The following CACNA2D1 variants were observed in gnomAD, a reference collection of about 807,000 sequenced individuals.
The protein encoded by CACNA2D1 is voltage-dependent calcium channel subunit alpha-2/delta-1.
CACNA2D1 carries 53 observed loss-of-function variants against 171.5 expected under a neutral mutation model. That is an observed-to-expected ratio of 0.31 (90% CI 0.25 to 0.39). The LOEUF (loss-of-function observed/expected upper bound fraction) is 0.39. Ranked by LOEUF, CACNA2D1 falls within the 10% of genes least tolerant of loss-of-function variation. The pLI is 1.00. For missense variants in CACNA2D1, 903 were observed against 1,299.8 expected, an observed-to-expected ratio of 0.69 and a Z score of 4.69; for synonymous variants, 442 against 443.1, an observed-to-expected ratio of 1.00 and a Z score of 0.03.
chr7:82,038,918 G>A (rs557365631), intron 10 of CACNA2D1, among the ~76,000 whole-genome samples: 10 of 152,062 alleles, frequency 6.6e-5, no homozygotes, highest in African/African-American at 1.7e-4. Context: ...ATTTAAGAAC[G>A]ATCATCAAAG....
At chr7:82,339,813 T>A (rs1185241724) in intron 2 of CACNA2D1, among the ~76,000 whole-genome samples, 1 of 152,152 alleles carries the variant, frequency 6.6e-6, no homozygotes, top group Non-Finnish European at 1.5e-5. Flanking sequence ...CATATCCTAA[T>A]CCCCAGAACC....
chr7:82,349,787 T>C (rs1165321231), intron 1 of CACNA2D1, 138 bp from the exon 2 acceptor site: 7 of 725,676 alleles, frequency 9.6e-6, no homozygotes, highest in Non-Finnish European at 1.7e-5. Context: ...ACCGACTATG[T>C]CCACCCTTCC....
At chr7:81,971,126 C>T (rs37068) in intron 26 of CACNA2D1, 145,774 of 232,080 alleles carry the variant, frequency 0.63, 46,240 homozygotes, top group Non-Finnish European at 0.65. Context: ...AGTGCAAGTT[C>T]CTCAATGGTC....
chr7:82,309,865 C>G (rs576677959), intron 3 of CACNA2D1, among the ~76,000 whole-genome samples: 9 of 152,198 alleles, frequency 5.9e-5, no homozygotes, highest in African/African-American at 2.2e-4. Flanking sequence ...TACTCAGAAC[C>G]CAGGGCAACT....
chr7:82,198,440 T>C lies in CACNA2D1; in HGVS notation c.295-27831A>G, dbSNP rs188454718. ...AGCTACAGGGCTCGAAGGCAGTGAT[T>C]TCTTTGCTGCATGTTAGAAAGACTA... is the stretch of plus-strand genomic sequence containing the variant. On this transcript the variant is annotated intron_variant, in intron 3 of 38. Coordinates refer to ENST00000356860, the MANE Select transcript of CACNA2D1 (RefSeq NM_000722.4). Among the ~76,000 whole-genome samples the C allele has an allele frequency of 5.2e-4, 79 of 152,222 alleles. No homozygotes were observed. The South Asian group carries it at 7.3e-3, about 14-fold the overall frequency.
intron 3 of CACNA2D1, among the ~76,000 whole-genome samples, chr7:82,274,777 T>G (rs1563294223): frequency 6.6e-6 from 1 of 152,174 alleles, no homozygotes; most frequent in Non-Finnish European, 1.5e-5. Context: ...AATTCTTTTT[T>G]GTTGGTTCTA....
chr7:82,363,322 T>C (rs1423651822), intron 1 of CACNA2D1, among the ~76,000 whole-genome samples: 1 of 128,288 alleles, frequency 7.8e-6, no homozygotes, highest in Non-Finnish European at 1.6e-5. Context: ...TGGAGTGCAG[T>C]GGCGCCATCT....
rs1325554448 is a variant in CACNA2D1, at chr7:82,263,012, C to T, written c.294+72123G>A. Among the ~76,000 whole-genome samples the T allele has an allele frequency of 4.6e-5, 7 of 151,946 alleles. No homozygotes were observed. In the South Asian group the frequency reaches 1.0e-3, roughly 23 times the overall value. ...CAATCGTATTTCTTCATGGCTGTCC[C>T]ATTCTTCATTGAACCTAAGCATAAA... On this transcript the variant is annotated intron_variant, in intron 3 of 38. Transcript: ENST00000356860.
In CACNA2D1 at chr7:82,056,571, G is replaced by A. The variant is rs983161689; in HGVS notation, c.879+3857C>T. ...TAGTAGAGAGAGAGGATACACATGG[G>A]CCTAAAAGCTCCTCCAGTTTGATGC... is the stretch of plus-strand genomic sequence containing the variant. On this transcript the variant is annotated intron_variant, in intron 10 of 38. Transcript: ENST00000356860. Among the ~76,000 whole-genome samples, 6 of 152,054 alleles carry A rather than the reference G, an allele frequency of 3.9e-5. No individual in the cohort carries two copies. In the East Asian group the frequency reaches 1.2e-3, roughly 29 times the overall value.
At chr7:82,048,272 G>C (rs914939558) in intron 10 of CACNA2D1, among the ~76,000 whole-genome samples, 2 of 150,772 alleles carry the variant, frequency 1.3e-5, no homozygotes, top group Non-Finnish European at 2.9e-5. Flanking sequence ...ATGACAAAAA[G>C]ATAGGTAAAG....
intron 3 of CACNA2D1, among the ~76,000 whole-genome samples, chr7:82,285,554 G>A (rs1316827052): frequency 6.6e-6 from 1 of 152,064 alleles, no homozygotes; most frequent in Non-Finnish European, 1.5e-5. Flanking sequence ...GAGGTGTCAG[G>A]GCAGTACTAT....
chr7:82,286,374 G>A (rs914318428), intron 3 of CACNA2D1, among the ~76,000 whole-genome samples: 2 of 151,886 alleles, frequency 1.3e-5, no homozygotes, highest in African/African-American at 2.4e-5. Context: ...ATAATCACTC[G>A]CAGGAAACTC....
chr7:82,410,869 T>G (rs1489800860), intron 1 of CACNA2D1, among the ~76,000 whole-genome samples: 2 of 152,212 alleles, frequency 1.3e-5, no homozygotes, highest in African/African-American at 4.8e-5. Flanking sequence ...TGTTTCAAAT[T>G]CATAATCATA....
At chr7:82,339,436 C>T (rs1238080418) in intron 2 of CACNA2D1, among the ~76,000 whole-genome samples, 1 of 152,158 alleles carries the variant, frequency 6.6e-6, no homozygotes, top group South Asian at 2.1e-4. Flanking sequence ...TTCTGAGGGA[C>T]ATTTTCCCTT....
chr7:82,393,086 GC>G (rs1190930182), intron 1 of CACNA2D1, among the ~76,000 whole-genome samples: 2,229 of 103,040 alleles, frequency 0.022, 46 homozygotes, highest in African/African-American at 0.077. Context: ...AGGAAGGAAG[GC>G]AGGCAGGCAG....
intron 5 of CACNA2D1, among the ~76,000 whole-genome samples, chr7:82,129,213 G>A (rs1790680322): frequency 6.6e-6 from 1 of 152,176 alleles, no homozygotes; most frequent in Non-Finnish European, 1.5e-5. Context: ...ATATCCTTGA[G>A]CAAGTTTTTG....
At chr7:82,126,984 G>A (rs1790398060) in intron 5 of CACNA2D1, among the ~76,000 whole-genome samples, 1 of 152,186 alleles carries the variant, frequency 6.6e-6, no homozygotes, top group South Asian at 2.1e-4. Context: ...GGTTCTGATG[G>A]AAGAATATAA....
Position 82,114,467 on chromosome 7 carries a change from C to T in CACNA2D1, c.526+2577G>A, listed in dbSNP as rs569493139. 2.4e-4 allele frequency among the ~76,000 whole-genome samples: 36 copies of T among 152,138 alleles called. 1 individual carries two copies. The highest frequency in any genetic ancestry group is 4.1e-4 in the Non-Finnish European group (28 of 67,982). ...CAGAGAACATTAAAGTAAAGAGGGC[C>T]GGCGTGGGGGCTCACGCCTTTAATC... On this transcript the variant is annotated intron_variant, in intron 6 of 38. Coordinates refer to ENST00000356860, the MANE Select transcript of CACNA2D1 (RefSeq NM_000722.4).
intron 4 of CACNA2D1, among the ~76,000 whole-genome samples, chr7:82,160,186 A>G (rs1794806408): frequency 6.6e-6 from 1 of 151,942 alleles, no homozygotes. Context: ...GCAATGTCCC[A>G]AAATTTTGAG....
Sources: allele counts gnomAD v4.1 joint callset (sites outside exome capture counted in the v4.1 genomes callset), GRCh38; gene constraint gnomAD v4.1.1; transcripts MANE v1.5; gene names NCBI Gene and HGNC (gene_info 2026-07-23, HGNC 2026-07-21).